ANKRD17: variants seen among roughly 807,000 people sequenced by gnomAD.
The protein encoded by ANKRD17 is ankyrin repeat domain 17.
A neutral mutation model predicts 229.7 loss-of-function variants in ANKRD17; 19 were observed. The observed-to-expected ratio is 0.08, with a 90% CI of 0.06 to 0.12. The LOEUF is 0.12. Among genes scored for constraint, ANKRD17 ranks in the 10% least tolerant of loss-of-function variants. The pLI, the probability that ANKRD17 is intolerant of heterozygous loss-of-function variation, is 1.00. For synonymous variants in ANKRD17, 1,112 were observed against 1,146.1 expected, an observed-to-expected ratio of 0.97 and a Z score of 0.60; for missense variants, 2,176 against 3,176.8, an observed-to-expected ratio of 0.68 and a Z score of 7.57.
intron 1 of ANKRD17, among the ~76,000 whole-genome samples, chr4:73,219,783 T>G (rs892003021): frequency 6.6e-5 from 10 of 152,144 alleles, no homozygotes; most frequent in Non-Finnish European, 1.3e-4. Flanking sequence ...TGAGAGTTAT[T>G]ATTACACTTA....
rs1354303555 is a variant in ANKRD17 at position 73,120,261 on chromosome 4, G to C, written c.3926C>G (p.Ala1309Gly). Residue 1309 changes from alanine (A) to glycine (G), a missense_variant, in exon 21 of 34, where the codon GCT becomes GGT. Transcript: ENST00000358602. ...EVGRVLLDKG[A>G]DVNAPPVPSS... Reference sequence around the variant, plus strand: ...GGGAACTGGAGGGGCATTAACATCAGCACCTTTATCCAAAAGAACTCGGCC... The same window carrying C: ...GGGAACTGGAGGGGCATTAACATCACCACCTTTATCCAAAAGAACTCGGCC... 6.2e-7 allele frequency: 1 copy of C among 1,613,902 alleles called. No individual in the cohort carries two copies. Among genetic ancestry groups the C allele is most frequent in the African/African-American group, 1.3e-5 (1 of 74,874 alleles).
intron 30 of ANKRD17, among the ~76,000 whole-genome samples, chr4:73,081,869 G>C (rs116183510): frequency 6.6e-6 from 1 of 152,186 alleles, no homozygotes; most frequent in South Asian, 2.1e-4. Flanking sequence ...GGGGCCACTG[G>C]GTGTGGTGGC....
At chr4:73,166,588 T>C (rs919028154) in intron 2 of ANKRD17, among the ~76,000 whole-genome samples, 4 of 152,188 alleles carry the variant, frequency 2.6e-5, no homozygotes, top group Non-Finnish European at 4.4e-5. Context: ...ACAGTGCCTA[T>C]GTGATACATA....
intron 2 of ANKRD17, among the ~76,000 whole-genome samples, chr4:73,171,175 G>C (rs906048898): frequency 8.2e-6 from 1 of 121,962 alleles, no homozygotes; most frequent in East Asian, 2.4e-4. Context: ...TGGCTCAGAG[G>C]GGGGAGAGAG....
intron 29 of ANKRD17, among the ~76,000 whole-genome samples, chr4:73,086,919 A>AATATATATATATATATATAT: frequency 5.6e-4 from 7 of 12,462 alleles, no homozygotes; most frequent in African/African-American, 1.3e-3. Flanking sequence ...AAAAAAAAAA[A>AATATATATATATATATATAT]ATATATATAT....
chr4:73,182,039 C>T (rs1735630949), intron 1 of ANKRD17, among the ~76,000 whole-genome samples: 2 of 84,090 alleles, frequency 2.4e-5, no homozygotes, highest in Admixed American at 4.3e-4. Flanking sequence ...CAGAGCAAGA[C>T]TCCGTCCCCA....
intron 25 of ANKRD17, chr4:73,100,896 G>A (rs1723899016): frequency 1.0e-6 from 1 of 985,126 alleles, no homozygotes; most frequent in Non-Finnish European, 1.2e-6. Flanking sequence ...TCATGGCAAT[G>A]GTTCCTTCCC....
intron 1 of ANKRD17, among the ~76,000 whole-genome samples, chr4:73,210,459 A>G (rs1205055506): frequency 1.3e-5 from 2 of 152,176 alleles, no homozygotes; most frequent in South Asian, 2.1e-4. Flanking sequence ...GTGTGTGTGT[A>G]TATGTGTCAT....
chr4:73,160,254 T>C (rs909934638), intron 3 of ANKRD17, among the ~76,000 whole-genome samples: 16 of 149,642 alleles, frequency 1.1e-4, no homozygotes, highest in Non-Finnish European at 2.1e-4. Flanking sequence ...GTTTCGCTCT[T>C]GTTGCCCAGG....
intron 28 of ANKRD17, 51 bp from the exon 29 acceptor site, chr4:73,092,351 T>C (rs1722871733): frequency 6.8e-7 from 1 of 1,464,704 alleles, no homozygotes; most frequent in Non-Finnish European, 9.2e-7. Context: ...CTTTTGAGTA[T>C]GTAAAGTGTT....
intron 1 of ANKRD17, among the ~76,000 whole-genome samples, chr4:73,203,327 A>T (rs1738927167): frequency 6.6e-6 from 1 of 152,208 alleles, no homozygotes; most frequent in Admixed American, 6.5e-5. Context: ...AACAAATGGC[A>T]AAACTAAACA....
At chr4:73,116,822 T>G (rs142094508) in intron 22 of ANKRD17, among the ~76,000 whole-genome samples, 2 of 151,976 alleles carry the variant, frequency 1.3e-5, no homozygotes, top group African/African-American at 4.8e-5. Flanking sequence ...TATACATATA[T>G]AGACAATGTA....
chr4:73,158,023 G>A lies in ANKRD17; in HGVS notation c.705-1857C>T, dbSNP rs1171165664. On this transcript the variant is annotated intron_variant, in intron 3 of 33. Transcript: ENST00000358602. ...GGAGAATCACTTGAACCCAGGAGGTGGAGGTTGCAGTGAGCCAGGATCACA... is the reference window on the plus strand; with the variant it reads ...GGAGAATCACTTGAACCCAGGAGGTAGAGGTTGCAGTGAGCCAGGATCACA... Among the ~76,000 whole-genome samples, 3 of 151,810 alleles carry A rather than the reference G, an allele frequency of 2.0e-5. No homozygotes were observed. In the East Asian group the frequency reaches 5.8e-4, roughly 29 times the overall value.
chr4:73,114,657 T>G (rs1481281410), intron 23 of ANKRD17, among the ~76,000 whole-genome samples: 1 of 152,100 alleles, frequency 6.6e-6, no homozygotes, highest in Non-Finnish European at 1.5e-5. Context: ...TTAGTATTAT[T>G]AAAAATAATT....
intron 16 of ANKRD17, among the ~76,000 whole-genome samples, chr4:73,133,970 G>A (rs994127377): frequency 2.0e-4 from 31 of 152,284 alleles, no homozygotes; most frequent in African/African-American, 7.5e-4. Context: ...TCAGGGAGAT[G>A]GATATTAAGA....
chr4:73,100,061 G>A (rs1157101008), intron 25 of ANKRD17, among the ~76,000 whole-genome samples: 1 of 152,100 alleles, frequency 6.6e-6, no homozygotes, highest in Non-Finnish European at 1.5e-5. Flanking sequence ...GCCCCCCAAG[G>A]TTCTGGTTCC....
At chr4:73,107,367 G>T (rs1055249400) in intron 24 of ANKRD17, among the ~76,000 whole-genome samples, 1 of 152,230 alleles carries the variant, frequency 6.6e-6, no homozygotes, top group Admixed American at 6.5e-5. Flanking sequence ...CTGGTAACTT[G>T]CTATGTGCTA....
At chr4:73,246,622 A>ATAGTTAAAATCAT (rs1744527794) in intron 1 of ANKRD17, among the ~76,000 whole-genome samples, 1 of 152,186 alleles carries the variant, frequency 6.6e-6, no homozygotes, top group African/African-American at 2.4e-5. Context: ...TAACGACACA[A>ATAGTTAAAATCAT]TAGTTAAAAT....
chr4:73,183,578 C>T (rs1009684876), intron 1 of ANKRD17, among the ~76,000 whole-genome samples: 18 of 152,224 alleles, frequency 1.2e-4, no homozygotes, highest in African/African-American at 4.1e-4. Flanking sequence ...CCTCAGCCTC[C>T]TTCTCTTCCT....
Sources: gnomAD v4.1 joint callset for allele counts (sites outside exome capture counted in the v4.1 genomes callset) on GRCh38, gnomAD v4.1.1 for gene constraint, MANE v1.5 for transcripts, NCBI Gene and HGNC (gene_info 2026-07-23, HGNC 2026-07-21) for gene names.